NEDD9: variants seen among roughly 807,000 people sequenced by gnomAD.
NEDD9 encodes the protein neural precursor cell expressed, developmentally down-regulated 9, also known as enhancer of filamentation 1.
Under a neutral mutation model 76.6 loss-of-function variants are expected in NEDD9, and 26 were observed. The ratio of observed to expected loss-of-function variants is 0.34; its 90% CI spans 0.25 to 0.47. The LOEUF (loss-of-function observed/expected upper bound fraction) is 0.47, where lower values mean the gene tolerates loss of function less well. NEDD9 is among the 20% of genes least tolerant of loss of function. The probability of loss-of-function intolerance (pLI) is 1.00; values close to 1 mark genes in which losing one functional copy is unlikely to be tolerated. For missense variants in NEDD9, 937 were observed against 1,058.5 expected, an observed-to-expected ratio of 0.89 and a Z score of 1.59; for synonymous variants, 392 against 414.2, an observed-to-expected ratio of 0.95 and a Z score of 0.65.
chr6:11,304,957 A>G (rs182426759), intron 3 of NEDD9: 1 of 648,320 alleles, frequency 1.5e-6, no homozygotes, highest in Non-Finnish European at 2.3e-6. Flanking sequence ...AAATATAATT[A>G]AAAAAACCCA....
intron 1 of NEDD9, among the ~76,000 whole-genome samples, chr6:11,347,481 AAAAC>A (rs1339345636): frequency 1.3e-5 from 2 of 152,166 alleles, no homozygotes; most frequent in African/African-American, 2.4e-5. Flanking sequence ...AAAACAAAAC[AAAAC>A]AAACAAACAA....
intron 2 of NEDD9, among the ~76,000 whole-genome samples, chr6:11,319,203 T>A (rs1761678282): frequency 6.6e-6 from 1 of 152,362 alleles, no homozygotes; most frequent in African/African-American, 2.4e-5. Context: ...TTGGACAACA[T>A]GACCAAGCTC....
intron 2 of NEDD9, among the ~76,000 whole-genome samples, chr6:11,196,699 G>A (rs867581303): frequency 1.3e-5 from 2 of 151,786 alleles, no homozygotes; most frequent in Admixed American, 6.6e-5. Flanking sequence ...AGCACCCCCC[G>A]CCCGCCACCA....
intron 1 of NEDD9, among the ~76,000 whole-genome samples, chr6:11,364,625 G>C (rs1442212429): frequency 6.6e-6 from 1 of 152,080 alleles, no homozygotes; most frequent in Non-Finnish European, 1.5e-5. Context: ...AGGCTCCAAA[G>C]TTCCCTCATT....
chr6:11,381,558 G>A (rs946283491), intron 1 of NEDD9, among the ~76,000 whole-genome samples: 2 of 152,180 alleles, frequency 1.3e-5, no homozygotes, highest in African/African-American at 2.4e-5. Flanking sequence ...AAAAGTAAGG[G>A]TGGAGCTCTT....
intron 2 of NEDD9, among the ~76,000 whole-genome samples, chr6:11,194,487 T>C (rs1304717515): frequency 6.6e-6 from 1 of 152,202 alleles, no homozygotes; most frequent in African/African-American, 2.4e-5. Context: ...ATTATGATGA[T>C]TATAACTGTA....
chr6:11,203,468 C>T (rs2113740527), intron 2 of NEDD9, among the ~76,000 whole-genome samples: 1 of 152,296 alleles, frequency 6.6e-6, no homozygotes, highest in South Asian at 2.1e-4. Flanking sequence ...GGTATCATTT[C>T]TTCCTAAAGA....
rs138913528 is a variant in NEDD9, at chr6:11,362,440, C to T, written c.-214+19699G>A. On this transcript the variant is annotated intron_variant, in intron 1 of 3. Transcript: ENST00000397378. Reference sequence around the variant, plus strand: ...CTCTTGCTTTGCCTTTTCATGTCTTCTGCCATTTATTAGCATGTGTAGACT... The same window carrying T: ...CTCTTGCTTTGCCTTTTCATGTCTTTTGCCATTTATTAGCATGTGTAGACT... Among the ~76,000 whole-genome samples the T allele has an allele frequency of 2.7e-3, 411 of 152,262 alleles. 1 individual carries two copies. The highest frequency in any genetic ancestry group is 0.024 in the Middle Eastern group (7 of 294).
At chr6:11,338,390 T>G (rs1762207095) in intron 1 of NEDD9, among the ~76,000 whole-genome samples, 1 of 152,194 alleles carries the variant, frequency 6.6e-6, no homozygotes, top group Non-Finnish European at 1.5e-5. Context: ...TCTCAGCCTT[T>G]TAGTCTCCAG....
intron 3 of NEDD9, among the ~76,000 whole-genome samples, chr6:11,274,276 T>C (rs1382652678): frequency 6.6e-6 from 1 of 152,156 alleles, no homozygotes; most frequent in Non-Finnish European, 1.5e-5. Flanking sequence ...TCAGGGAGTG[T>C]CCATGTCTTA....
At chr6:11,313,559 G>C (rs1354989061) in intron 2 of NEDD9, among the ~76,000 whole-genome samples, 1 of 130,930 alleles carries the variant, frequency 7.6e-6, no homozygotes, top group African/African-American at 2.7e-5. Context: ...TGGATAGATG[G>C]GTGGATAGAT....
At chr6:11,251,233 T>C (rs534179009) in intron 3 of NEDD9, 1 of 152,358 alleles carries the variant, frequency 6.6e-6, no homozygotes, top group African/African-American at 2.4e-5. Flanking sequence ...ATAGTGGTTC[T>C]AGGAATCAGT....
intron 3 of NEDD9, among the ~76,000 whole-genome samples, chr6:11,305,554 T>C (rs939752397): frequency 6.6e-6 from 1 of 152,200 alleles, no homozygotes; most frequent in East Asian, 1.9e-4. Flanking sequence ...CCAGGCCAAC[T>C]TGATTTTCTT....
intron 3 of NEDD9, among the ~76,000 whole-genome samples, chr6:11,281,268 G>A (rs868697005): frequency 2.0e-5 from 3 of 152,290 alleles, no homozygotes; most frequent in Admixed American, 2.0e-4. Flanking sequence ...TCCTTTGAGA[G>A]GCCCTGGGCT....
At chr6:11,188,901 G>A (rs1758050611) in intron 5 of NEDD9, among the ~76,000 whole-genome samples, 1 of 151,938 alleles carries the variant, frequency 6.6e-6, no homozygotes, top group African/African-American at 2.4e-5. Context: ...TAAAAGAATG[G>A]CAGAATAAGA....
rs192992764 is a variant in NEDD9 at position 11,184,258 on chromosome 6, C to A, written c.*904G>T. 1 of 152,138 alleles carries A rather than the reference C, an allele frequency of 6.6e-6. No homozygotes were observed. The highest frequency in any genetic ancestry group is 1.5e-5 in the Non-Finnish European group (1 of 68,016). 9.4% of individuals were successfully genotyped at this position (152,138 alleles called of 1,614,324 possible). ...CAGAAAGGCCTCTACTTGCAACTGG[C>A]GGATCAAACCATTCCCCTATTTTGG... On this transcript the variant is annotated 3_prime_UTR_variant, in exon 7 of 7. Coordinates refer to ENST00000379446, the MANE Select transcript of NEDD9 (RefSeq NM_006403.4).
intron 1 of NEDD9, among the ~76,000 whole-genome samples, chr6:11,214,040 A>G (rs1375198390): frequency 6.6e-6 from 1 of 152,236 alleles, no homozygotes. Context: ...ATGGTTCACT[A>G]TACAAAACAT....
intron 1 of NEDD9, among the ~76,000 whole-genome samples, chr6:11,376,747 T>C (rs1467446334): frequency 1.3e-5 from 2 of 152,252 alleles, no homozygotes; most frequent in Non-Finnish European, 2.9e-5. Flanking sequence ...TTGTGAAACA[T>C]TCACTTGCTA....
At chr6:11,306,102 G>A in exon 3 of NEDD9, 2 of 1,405,806 alleles carry the variant, frequency 1.4e-6, no homozygotes, top group South Asian at 1.2e-5. Flanking sequence ...TCTACTTGAA[G>A]AACATATGAT....
Sources: gnomAD v4.1 joint callset for allele counts (sites outside exome capture counted in the v4.1 genomes callset) on GRCh38, gnomAD v4.1.1 for gene constraint, MANE v1.5 for transcripts, NCBI Gene and HGNC (gene_info 2026-07-23, HGNC 2026-07-21) for gene names.